Variants in JMJD7 observed in about 807,000 individuals in gnomAD.
The protein encoded by JMJD7 is bifunctional peptidase and (3S)-lysyl hydroxylase JMJD7.
In JMJD7, 41 loss-of-function variants were observed where a neutral mutation model predicts 41.1. That is an observed-to-expected ratio of 1.00 (90% CI 0.78 to 1.30). JMJD7 has a LOEUF of 1.30. Ranked by LOEUF, JMJD7 falls within the 50% of genes most tolerant of loss-of-function variation. The pLI is 0.00. For missense variants in JMJD7, 480 were observed against 420.7 expected (o/e 1.14, Z -1.23); for synonymous variants, 202 against 177.2 (o/e 1.14, Z -1.11).
chr15:41,835,733 G>C, intron 4 of JMJD7, 89 bp downstream of exon 4: 2 of 1,475,240 alleles, frequency 1.4e-6, no homozygotes, highest in South Asian at 1.3e-5. Context: ...GATGGCCCTG[G>C]GTGGAGGTTG....
At position 41,834,976 on chromosome 15, in the gene JMJD7, A is replaced by G. The variant is rs935807183; in HGVS notation, c.225A>G (p.Thr75=). 1 of 1,614,106 alleles carries G rather than the reference A, an allele frequency of 6.2e-7. No individual in the cohort carries two copies. Among genetic ancestry groups the G allele is most frequent in the East Asian group, 2.2e-5 (1 of 44,886 alleles). The change falls in exon 3 of 8, where the codon ACA becomes ACG. Residue 75 remains threonine, a synonymous_variant. Coordinates refer to ENST00000397299, the MANE Select transcript of JMJD7 (RefSeq NM_001114632.2). Reference sequence around the variant, plus strand: ...TGAGTGTCCATTCCTCTAGAGCCACAGTGGGCTCCACAGAGGTGAGTGTGG... The same window carrying G: ...TGAGTGTCCATTCCTCTAGAGCCACGGTGGGCTCCACAGAGGTGAGTGTGG... ...QKWSLPYFRA[T]VGSTEVSVAV...
chr15:41,833,802 A>T (rs1419855842), intron 1 of JMJD7, among the ~76,000 whole-genome samples: 10 of 152,130 alleles, frequency 6.6e-5, no homozygotes, highest in African/African-American at 2.2e-4. Context: ...CAGCAGGGGG[A>T]CAGATTATAA....
Position 41,837,129 on chromosome 15 carries a change from C to T in JMJD7, c.924C>T (p.Ser308=), listed in dbSNP as rs1354879240. 1 of 1,613,064 alleles carries T rather than the reference C, an allele frequency of 6.2e-7. No homozygotes were observed. The highest frequency in any genetic ancestry group is 1.1e-5 in the South Asian group (1 of 90,892). Residue 308 remains serine (S), a synonymous_variant, in exon 8 of 8, where the codon TCC becomes TCT. Transcript: ENST00000397299. ...ATAGTTACTTCCAGCTGCTCGACTC[C>T]CTCACCAAGGCTTCAGGCCTTGACT... ...LKYSYFQLLD[S]LTKASGLD
At chr15:41,835,296 C>A in intron 3 of JMJD7, 73 bp downstream of exon 3, 1 of 1,527,332 alleles carries the variant, frequency 6.5e-7, no homozygotes. Flanking sequence ...CCTGTTTGCC[C>A]TTAGGTGATG....
Position 41,834,731 on chromosome 15 carries a change from T to G in JMJD7, c.65-9T>G, listed in dbSNP as rs573749040. ...GCCCTTCCATCCCCTGTCTTCTTCT[T>G]TCTCTCAGAGCTCTGCGTGCCTCTT... On this transcript the variant is annotated splice_polypyrimidine_tract_variant and intron_variant, in intron 1 of 7. Coordinates refer to ENST00000397299, the MANE Select transcript of JMJD7 (RefSeq NM_001114632.2). 1 of 1,613,350 alleles carries G rather than the reference T, an allele frequency of 6.2e-7. No homozygotes were observed. Among genetic ancestry groups the G allele is most frequent in the South Asian group, 1.1e-5 (1 of 90,994 alleles).
chr15:41,832,719 C>T (rs540304897), intron 1 of JMJD7, among the ~76,000 whole-genome samples: 156 of 152,334 alleles, frequency 1.0e-3, no homozygotes, highest in Admixed American at 2.4e-3. Flanking sequence ...CACTTTCCAA[C>T]TGATCAGAAA....
In JMJD7 at chr15:41,836,771, G is replaced by A. The variant is rs2065324730; in HGVS notation, c.703-10G>A. 1.3e-6 allele frequency: 2 copies of A among 1,599,870 alleles called. No individual in the cohort carries two copies. The highest frequency in any genetic ancestry group is 2.3e-5 in the East Asian group (1 of 44,326). On this transcript the variant is annotated splice_polypyrimidine_tract_variant and intron_variant, in intron 6 of 7. Coordinates refer to ENST00000397299, the MANE Select transcript of JMJD7 (RefSeq NM_001114632.2). Reference sequence around the variant, plus strand: ...GGGGGGCTGCTCCCTGGCATCTGATGTGTTCCCAGGTGCCCTGGATCCCAC... The same window carrying A: ...GGGGGGCTGCTCCCTGGCATCTGATATGTTCCCAGGTGCCCTGGATCCCAC...
chr15:41,835,786 C>T lies in JMJD7; in HGVS notation c.529+142C>T, dbSNP rs2065304093. On this transcript the variant is annotated intron_variant, in intron 4 of 7. Coordinates refer to ENST00000397299, the MANE Select transcript of JMJD7 (RefSeq NM_001114632.2). ...TCTTTTGGCTTCTAGGACTCGGGCACCACAGAGGGTTTCCCCTGACAGCTG... is the reference window on the plus strand; with the variant it reads ...TCTTTTGGCTTCTAGGACTCGGGCATCACAGAGGGTTTCCCCTGACAGCTG... 9 of 1,049,458 alleles carry T rather than the reference C, an allele frequency of 8.6e-6. No individual in the cohort carries two copies. In the East Asian group the frequency reaches 2.1e-4, roughly 25 times the overall value. The allele number at this position is 1,049,458 out of a possible 1,614,324, so 65.0% of individuals were successfully genotyped here. A position where few individuals can be genotyped will look rare whatever the true frequency, so the allele number is the denominator to read the frequency against.
chr15:41,831,389 C>G (rs1015447028), intron 1 of JMJD7, among the ~76,000 whole-genome samples: 5 of 152,212 alleles, frequency 3.3e-5, no homozygotes, highest in African/African-American at 1.2e-4. Context: ...TCCAACTGAT[C>G]AGAAAGTAAA....
intron 1 of JMJD7, among the ~76,000 whole-genome samples, chr15:41,829,945 ATTGT>A (rs1321846500): frequency 9.9e-5 from 15 of 152,118 alleles, no homozygotes; most frequent in African/African-American, 3.6e-4. Context: ...AGGCAAGAGG[ATTGT>A]TTGAGTCCAG....
Position 41,836,521 on chromosome 15 carries a change from TA to T in JMJD7, c.674del (p.Lys225ArgfsTer23). The T allele has an allele frequency of 6.3e-7, 1 of 1,592,622 alleles. No individual in the cohort carries two copies. Among genetic ancestry groups the T allele is most frequent in the Non-Finnish European group, 8.6e-7 (1 of 1,169,162 alleles). ...TYQLTEEGTF[K>X]VVDEEAMEKV... is the part of the protein sequence containing the mutation. ...ACCAGCTAACTGAAGAGGGCACCTT[TA>T]AGGTGGTGGATGAAGAGGCCATGGA... On this transcript the variant is annotated frameshift_variant, in exon 6 of 8. Transcript: ENST00000397299. LOFTEE classifies it high-confidence loss of function.
chr15:41,831,462 G>A (rs953962081), intron 1 of JMJD7, among the ~76,000 whole-genome samples: 11 of 152,350 alleles, frequency 7.2e-5, no homozygotes, highest in Admixed American at 4.6e-4. Flanking sequence ...CATCAGTGCC[G>A]GGACCATTTG....
chr15:41,831,386 G>A (rs1414190872), intron 1 of JMJD7, among the ~76,000 whole-genome samples: 1 of 152,192 alleles, frequency 6.6e-6, no homozygotes, highest in African/African-American at 2.4e-5. Flanking sequence ...CTTTCCAACT[G>A]ATCAGAAAGT....
chr15:41,834,646 A>C (rs958927908), intron 1 of JMJD7, 94 bp from the exon 2 acceptor site: 33 of 1,526,348 alleles, frequency 2.2e-5, no homozygotes, highest in Non-Finnish European at 2.7e-5. Context: ...TCCCAGTGAC[A>C]CAGCGCGGCC....
At chr15:41,833,618 C>T (rs1017958205) in intron 1 of JMJD7, among the ~76,000 whole-genome samples, 2 of 150,970 alleles carry the variant, frequency 1.3e-5, no homozygotes, top group African/African-American at 4.9e-5. Flanking sequence ...ATGGGGTCTC[C>T]CTACGTTGCC....
At chr15:41,835,718 G>T (rs544037724) in intron 4 of JMJD7, 74 bp downstream of exon 4, 17 of 1,541,496 alleles carry the variant, frequency 1.1e-5, no homozygotes, top group Middle Eastern at 1.7e-4. Context: ...GGCCAGGAGT[G>T]GAGGGATGGC....
chr15:41,828,864 C>A (rs1244815147), intron 1 of JMJD7, among the ~76,000 whole-genome samples: 3 of 152,218 alleles, frequency 2.0e-5, no homozygotes, highest in African/African-American at 7.2e-5. Context: ...ACACACTCTT[C>A]TGCACCGTGT....
intron 1 of JMJD7, among the ~76,000 whole-genome samples, chr15:41,831,730 G>C (rs1280161511): frequency 3.3e-5 from 5 of 152,280 alleles, no homozygotes; most frequent in African/African-American, 1.2e-4. Flanking sequence ...GCTGCCCACT[G>C]TGGGTCTCCT....
intron 4 of JMJD7, 30 bp from the exon 5 acceptor site, chr15:41,836,118 C>G: frequency 6.4e-7 from 1 of 1,565,012 alleles, no homozygotes; most frequent in Non-Finnish European, 8.7e-7. Flanking sequence ...CCCTCCATAC[C>G]CTGCCCCCGG....
Sources: allele counts gnomAD v4.1 joint callset (sites outside exome capture counted in the v4.1 genomes callset), GRCh38; gene constraint gnomAD v4.1.1; transcripts MANE v1.5; gene names NCBI Gene and HGNC (gene_info 2026-07-23, HGNC 2026-07-21).